The following TBX15 variants were observed in gnomAD, a reference collection of about 807,000 sequenced individuals.
The protein encoded by TBX15 is T-box transcription factor TBX15.
Under a neutral mutation model 53.9 loss-of-function variants are expected in TBX15, and 18 were observed. The ratio of observed to expected loss-of-function variants is 0.33; its 90% CI spans 0.23 to 0.49. The LOEUF is 0.49. Ranked by LOEUF, TBX15 falls within the 20% of genes least tolerant of loss-of-function variation. The probability of loss-of-function intolerance (pLI) is 0.98; values close to 1 mark genes in which losing one functional copy is unlikely to be tolerated. For missense variants in TBX15, 692 were observed against 749.5 expected, an observed-to-expected ratio of 0.92 and a Z score of 0.90; for synonymous variants, 295 against 278.0, an observed-to-expected ratio of 1.06 and a Z score of -0.61.
chr1:118,987,674 T>C lies in TBX15; in HGVS notation c.122A>G (p.Asp41Gly). The change falls in exon 1 of 8, where the codon GAC becomes GGC. Residue 41 changes from aspartate (D) to glycine (G), a missense_variant. Asp to Gly is a moderately conservative substitution (Grantham distance 94, BLOSUM62 -1). Coordinates refer to ENST00000369429, the MANE Select transcript of TBX15 (RefSeq NM_001330677.2). ...KLRDWEEKGL[D>G]LSMEALSPAG... ...GGGGCTCAGCGCCTCCATAGACAGG[T>C]CCAGCCCCTTCTCCTCCCAGTCTCG... 2 of 1,550,314 alleles carry C rather than the reference T, an allele frequency of 1.3e-6. No individual in the cohort carries two copies. Among genetic ancestry groups the C allele is most frequent in the Non-Finnish European group, 1.7e-6 (2 of 1,146,816 alleles).
At chr1:118,892,395 G>A (rs531266156) in intron 7 of TBX15, among the ~76,000 whole-genome samples, 2 of 152,208 alleles carry the variant, frequency 1.3e-5, no homozygotes, top group Non-Finnish European at 2.9e-5. Flanking sequence ...TAAAAGTTCA[G>A]TAGAAAGAAA....
At chr1:118,954,991 G>A (rs1656634018) in intron 1 of TBX15, among the ~76,000 whole-genome samples, 1 of 152,166 alleles carries the variant, frequency 6.6e-6, no homozygotes, top group African/African-American at 2.4e-5. Flanking sequence ...AGGCCCAAGA[G>A]TGAGACCCAC....
At chr1:118,914,420 C>T (rs753237463) in intron 5 of TBX15, among the ~76,000 whole-genome samples, 1 of 152,174 alleles carries the variant, frequency 6.6e-6, no homozygotes, top group Non-Finnish European at 1.5e-5. Flanking sequence ...TCTAAAAACT[C>T]TCTCCTACTC....
At chr1:118,949,473 C>T (rs777582316) in intron 1 of TBX15, among the ~76,000 whole-genome samples, 2 of 152,220 alleles carry the variant, frequency 1.3e-5, no homozygotes, top group Admixed American at 6.5e-5. Context: ...TTTCACACTT[C>T]ATTTCCTCCC....
At chr1:118,980,616 A>G (rs1027038946) in intron 1 of TBX15, among the ~76,000 whole-genome samples, 3 of 108,484 alleles carry the variant, frequency 2.8e-5, no homozygotes, top group African/African-American at 7.8e-5. Context: ...TCTATAAGCC[A>G]TTTTTATTAT....
rs1655788455 is a variant in TBX15, at chr1:118,931,732, A to G, written c.306T>C (p.Pro102=). 1.9e-6 allele frequency: 3 copies of G among 1,613,828 alleles called. No homozygotes were observed. Among genetic ancestry groups the G allele is most frequent in the African/African-American group, 2.7e-5 (2 of 74,928 alleles). The change falls in exon 2 of 8, where the codon CCT becomes CCC. Residue 102 remains proline, a synonymous_variant. Transcript: ENST00000369429. Reference sequence around the variant, plus strand: ...CCATGGAAGACATGGCAGCAGGCACAGGGCCTGCAGCACCAGAGGCCAGGT... The same window carrying G: ...CCATGGAAGACATGGCAGCAGGCACGGGGCCTGCAGCACCAGAGGCCAGGT... The part of the protein sequence containing the change: ...HTDLASGAAG[P]VPAAMSSMEE...
At chr1:118,977,523 G>A (rs933606464) in intron 1 of TBX15, among the ~76,000 whole-genome samples, 2 of 152,062 alleles carry the variant, frequency 1.3e-5, no homozygotes, top group African/African-American at 4.8e-5. Flanking sequence ...AGGACAACTA[G>A]TAAATCCACA....
intron 1 of TBX15, among the ~76,000 whole-genome samples, chr1:118,962,732 G>A (rs189739102): frequency 2.0e-5 from 3 of 152,198 alleles, no homozygotes; most frequent in East Asian, 1.9e-4. Context: ...TCACTGTATC[G>A]GTTTACTTAG....
intron 1 of TBX15, among the ~76,000 whole-genome samples, chr1:118,935,349 G>C (rs1373165157): frequency 6.6e-6 from 1 of 152,068 alleles, no homozygotes; most frequent in African/African-American, 2.4e-5. Context: ...GTCCCTTAAA[G>C]ATCAAAAAAC....
intron 7 of TBX15, among the ~76,000 whole-genome samples, chr1:118,889,016 G>A (rs982853128): frequency 2.0e-5 from 3 of 152,156 alleles, no homozygotes; most frequent in Admixed American, 6.5e-5. Flanking sequence ...AGCTTGCTTG[G>A]GCTTTTAAAT....
intron 1 of TBX15, among the ~76,000 whole-genome samples, chr1:118,970,247 C>A (rs1438531283): frequency 6.6e-6 from 1 of 152,180 alleles, no homozygotes; most frequent in African/African-American, 2.4e-5. Flanking sequence ...CTAGTACAGC[C>A]TCCTTGTGTA....
chr1:118,937,271 T>C (rs1027183396), intron 1 of TBX15, among the ~76,000 whole-genome samples: 5 of 152,146 alleles, frequency 3.3e-5, no homozygotes, highest in African/African-American at 1.2e-4. Flanking sequence ...AGAAGTAAGA[T>C]AAATGATGAA....
Position 118,924,767 on chromosome 1 carries a change from G to A in TBX15, c.572C>T (p.Pro191Leu). The change falls in exon 4 of 8, where the codon CCT becomes CTT. Residue 191 changes from proline (P) to leucine (L), a missense_variant. Physicochemically the swap from Pro to Leu is moderately conservative, Grantham distance 98. Transcript: ENST00000369429. Reference sequence around the variant, plus strand: ...GTGTATATAAACTCTTGGGGGCACAGGGGAATCAGCATTGCCAGCCACCAT... The same window carrying A: ...GTGTATATAAACTCTTGGGGGCACAAGGGAATCAGCATTGCCAGCCACCAT... ...KWMVAGNADS[P>L]VPPRVYIHPD... The A allele has an allele frequency of 6.2e-7, 1 of 1,614,094 alleles. No homozygotes were observed. The highest frequency in any genetic ancestry group is 1.1e-5 in the South Asian group (1 of 91,072).
intron 1 of TBX15, among the ~76,000 whole-genome samples, chr1:118,955,030 T>A (rs973604770): frequency 6.6e-6 from 1 of 152,198 alleles, no homozygotes; most frequent in Non-Finnish European, 1.5e-5. Flanking sequence ...GTAAGCCACC[T>A]TTCCAGAATC....
intron 1 of TBX15, among the ~76,000 whole-genome samples, chr1:118,959,376 T>G (rs1656792631): frequency 6.6e-6 from 1 of 152,198 alleles, no homozygotes; most frequent in Non-Finnish European, 1.5e-5. Flanking sequence ...TGCCAGGTGT[T>G]CAAGGCTTCT....
At chr1:118,984,915 C>G (rs1257121001) in intron 1 of TBX15, among the ~76,000 whole-genome samples, 1 of 152,154 alleles carries the variant, frequency 6.6e-6, no homozygotes, top group Non-Finnish European at 1.5e-5. Context: ...CCAGCTCTGT[C>G]CAGACGCGGA....
chr1:118,895,604 T>G (rs1654396753), intron 7 of TBX15, among the ~76,000 whole-genome samples: 6 of 152,314 alleles, frequency 3.9e-5, no homozygotes, highest in Admixed American at 3.9e-4. Context: ...GTTAGTTCAT[T>G]TGCTCCTTGT....
At chr1:118,936,179 C>T (rs1316802305) in intron 1 of TBX15, among the ~76,000 whole-genome samples, 3 of 152,144 alleles carry the variant, frequency 2.0e-5, no homozygotes, top group Non-Finnish European at 4.4e-5. Flanking sequence ...TATAAGGTCC[C>T]TTTTAACTTG....
rs1175966747 is a variant in TBX15, at chr1:118,885,524, A to G, written c.1025-8T>C. On this transcript the variant is annotated splice_region_variant and splice_polypyrimidine_tract_variant and intron_variant, in intron 7 of 7. Coordinates refer to ENST00000369429, the MANE Select transcript of TBX15 (RefSeq NM_001330677.2). ...AAGTGCCTGTGCTGCCTCCTGAAAAATAAAACGTGAATACTATTGAGACAG... is the reference window on the plus strand; with the variant it reads ...AAGTGCCTGTGCTGCCTCCTGAAAAGTAAAACGTGAATACTATTGAGACAG... 2 of 1,569,010 alleles carry G rather than the reference A, an allele frequency of 1.3e-6. No individual in the cohort carries two copies. The highest frequency in any genetic ancestry group is 4.7e-5 in the East Asian group (2 of 42,436).
Sources: gnomAD v4.1 joint callset for allele counts (sites outside exome capture counted in the v4.1 genomes callset) on GRCh38, gnomAD v4.1.1 for gene constraint, MANE v1.5 for transcripts, NCBI Gene and HGNC (gene_info 2026-07-23, HGNC 2026-07-21) for gene names.